Variants in CFAP97 observed in about 807,000 individuals in gnomAD.
CFAP97 encodes the protein cilia- and flagella-associated protein 97.
In CFAP97, 36 loss-of-function variants were observed where a neutral mutation model predicts 43.1. The observed-to-expected ratio is 0.84, with a 90% CI of 0.64 to 1.10. CFAP97 has a LOEUF of 1.10. Among genes scored for constraint, CFAP97 ranks in the 50% least tolerant of loss-of-function variants. The pLI, the probability that CFAP97 is intolerant of heterozygous loss-of-function variation, is 0.00. For missense variants in CFAP97, 657 were observed against 620.3 expected, an observed-to-expected ratio of 1.06 and a Z score of -0.63; for synonymous variants, 228 against 225.7, an observed-to-expected ratio of 1.01 and a Z score of -0.09.
At chr4:185,163,899 A>G in intron 4 of CFAP97, 130 bp downstream of exon 4, 6 of 782,246 alleles carry the variant, frequency 7.7e-6, no homozygotes, top group Non-Finnish European at 1.0e-5. Context: ...AAAACAAAAC[A>G]TGACAGTGGG....
intron 1 of CFAP97, among the ~76,000 whole-genome samples, chr4:185,200,377 C>T (rs557216198): frequency 2.0e-4 from 30 of 152,292 alleles, no homozygotes; most frequent in African/African-American, 7.0e-4. Context: ...CGGTGGCTCA[C>T]GCCTATAATC....
chr4:185,203,869 G>C (rs3112881), intron 1 of CFAP97, 29 bp downstream of exon 1: 1 of 151,508 alleles, frequency 6.6e-6, no homozygotes, highest in Non-Finnish European at 1.5e-5. Context: ...CGCGAGCAGG[G>C]AGCCAGGAGC....
chr4:185,202,537 G>C (rs1303229759), intron 1 of CFAP97, among the ~76,000 whole-genome samples: 1 of 148,118 alleles, frequency 6.8e-6, no homozygotes, highest in African/African-American at 2.5e-5. Context: ...AACAGAGTGA[G>C]ATCCTATCTC....
chr4:185,169,073 C>T (rs1269638959), intron 3 of CFAP97: 1 of 152,154 alleles, frequency 6.6e-6, no homozygotes, highest in Non-Finnish European at 1.5e-5. Flanking sequence ...GTGAGAACAC[C>T]TAAGATCTAG....
At chr4:185,178,232 GT>G (rs1735632516) in intron 2 of CFAP97, among the ~76,000 whole-genome samples, 2 of 138,230 alleles carry the variant, frequency 1.4e-5, no homozygotes, top group African/African-American at 2.7e-5. Context: ...TCCCCTAACG[GT>G]TTTTGTCTTT....
intron 4 of CFAP97, 112 bp downstream of exon 4, chr4:185,163,917 A>G (rs1734966837): frequency 2.2e-6 from 2 of 921,748 alleles, no homozygotes; most frequent in Admixed American, 2.4e-5. Context: ...GGGAAATAAC[A>G]GAACGCATTC....
At chr4:185,168,367 G>A (rs1272908613) in intron 3 of CFAP97, among the ~76,000 whole-genome samples, 1 of 152,096 alleles carries the variant, frequency 6.6e-6, no homozygotes, top group Non-Finnish European at 1.5e-5. Flanking sequence ...AGCACTTCGG[G>A]AGGCTGAGGC....
intron 2 of CFAP97, among the ~76,000 whole-genome samples, chr4:185,183,965 TG>T (rs1735904561): frequency 6.6e-6 from 1 of 152,232 alleles, no homozygotes; most frequent in Non-Finnish European, 1.5e-5. Context: ...TTCAGGAGTT[TG>T]GGGTAGGATT....
At position 185,190,857 on chromosome 4, in the gene CFAP97, C is replaced by A; in HGVS notation, c.340G>T (p.Val114Leu). Residue 114 changes from valine to leucine, a missense_variant, in exon 2 of 5, where the codon GTG (valine) becomes TTG (leucine). Val to Leu is a conservative substitution (Grantham distance 32). Coordinates refer to ENST00000458385, the MANE Select transcript of CFAP97 (RefSeq NM_020827.3). ...TTGGGAATTCTATTTGGAATGGACA[C>A]GTGTATTTTAAGTCCTGTTGTAACA... Reference protein sequence around the residue: ...CDVTTGLKIHVSIPNRIPKIV... With the variant: ...CDVTTGLKIHLSIPNRIPKIV... 6.2e-7 allele frequency: 1 copy of A among 1,611,422 alleles called. No homozygotes were observed. Among genetic ancestry groups the A allele is most frequent in the South Asian group, 1.1e-5 (1 of 90,600 alleles).
intron 1 of CFAP97, among the ~76,000 whole-genome samples, chr4:185,203,269 C>T (rs1736989587): frequency 1.3e-5 from 2 of 152,222 alleles, no homozygotes; most frequent in African/African-American, 2.4e-5. Context: ...ACTGGGCACG[C>T]CCCACTTGCC....
intron 3 of CFAP97, chr4:185,169,708 C>T: frequency 2.0e-6 from 2 of 985,392 alleles, no homozygotes; most frequent in Non-Finnish European, 2.4e-6. Flanking sequence ...AGGAGAGTTG[C>T]TTTAGTGTTT....
intron 2 of CFAP97, 28 bp downstream of exon 2, chr4:185,190,115 C>T (rs773738540): frequency 4.0e-5 from 59 of 1,486,284 alleles, no homozygotes; most frequent in South Asian, 1.3e-4. Context: ...TATTTAAACA[C>T]ACATTTTTAA....
At chr4:185,166,869 T>C (rs1413789266) in intron 3 of CFAP97, among the ~76,000 whole-genome samples, 2 of 152,240 alleles carry the variant, frequency 1.3e-5, no homozygotes, top group Admixed American at 1.3e-4. Context: ...AATTTTAAGG[T>C]GTAAACCAAC....
chr4:185,203,740 G>T (rs1302237340), intron 1 of CFAP97, 158 bp downstream of exon 1: 2 of 152,086 alleles, frequency 1.3e-5, no homozygotes, highest in African/African-American at 4.8e-5. Flanking sequence ...CCCCTGTCGT[G>T]GGGGCGCGGT....
upstream of CFAP97, among the ~76,000 whole-genome samples, chr4:185,206,717 C>T (rs1260628533): frequency 7.3e-6 from 1 of 136,656 alleles, no homozygotes; most frequent in Non-Finnish European, 1.6e-5. Context: ...TTCAGAAAGA[C>T]AGAACCAAAA....
chr4:185,179,071 G>A (rs368296496), intron 2 of CFAP97, among the ~76,000 whole-genome samples: 9 of 151,716 alleles, frequency 5.9e-5, no homozygotes, highest in African/African-American at 1.9e-4. Context: ...AAGACTTAAC[G>A]GGGTTTAAAA....
At chr4:185,164,810 T>C (rs1339344116) in intron 3 of CFAP97, among the ~76,000 whole-genome samples, 4 of 152,226 alleles carry the variant, frequency 2.6e-5, no homozygotes, top group Non-Finnish European at 4.4e-5. Flanking sequence ...GATTTTCTCA[T>C]AGACATGATG....
intron 3 of CFAP97, among the ~76,000 whole-genome samples, chr4:185,165,281 TA>T (rs1445242245): frequency 6.6e-6 from 1 of 152,196 alleles, no homozygotes; most frequent in Non-Finnish European, 1.5e-5. Context: ...GGCGAAACGC[TA>T]TCTCCATTTT....
At chr4:185,174,245 CAT>C (rs1735427835) in intron 3 of CFAP97, among the ~76,000 whole-genome samples, 1 of 152,284 alleles carries the variant, frequency 6.6e-6, no homozygotes, top group South Asian at 2.1e-4. Flanking sequence ...GAAGTAATCC[CAT>C]ATGTTTTTGA....
Sources: allele counts gnomAD v4.1 joint callset (sites outside exome capture counted in the v4.1 genomes callset), GRCh38; gene constraint gnomAD v4.1.1; transcripts MANE v1.5; gene names NCBI Gene and HGNC (gene_info 2026-07-23, HGNC 2026-07-21).